ANKS1A: variants seen among roughly 807,000 people sequenced by gnomAD.
The protein encoded by ANKS1A is ankyrin repeat and sterile alpha motif domain containing 1A, also known as ankyrin repeat and SAM domain-containing protein 1A.
ANKS1A carries 55 observed loss-of-function variants against 120.3 expected under a neutral mutation model. That is an observed-to-expected ratio of 0.46 (90% CI 0.37 to 0.57). ANKS1A has a LOEUF of 0.57. Ranked by LOEUF, ANKS1A falls within the 20% of genes least tolerant of loss-of-function variation. The pLI, the probability that ANKS1A is intolerant of heterozygous loss-of-function variation, is 0.00. For missense variants in ANKS1A, 1,123 were observed against 1,480.3 expected (o/e 0.76, Z 3.96); for synonymous variants, 590 against 604.7 (o/e 0.98, Z 0.36).
chr6:35,097,631 C>T, the ANKS1A span, among the ~76,000 whole-genome samples: 9 of 89,822 alleles, frequency 1.0e-4, no homozygotes, highest in Non-Finnish European at 2.0e-4. Context: ...CCAGAAAAAG[C>T]CAAAAGAAAA....
chr6:35,087,366 G>A (rs1013713770), intron 23 of ANKS1A, among the ~76,000 whole-genome samples: 9 of 152,212 alleles, frequency 5.9e-5, no homozygotes, highest in African/African-American at 2.2e-4. Context: ...GCCTCCACGG[G>A]CAGGCACTGT....
At chr6:34,904,467 C>T (rs1386667469) in intron 1 of ANKS1A, among the ~76,000 whole-genome samples, 1 of 152,094 alleles carries the variant, frequency 6.6e-6, no homozygotes, top group Non-Finnish European at 1.5e-5. Context: ...GGCTCAGTGA[C>T]ACAAGCCCGT....
chr6:34,972,555 T>G, intron 3 of ANKS1A: 1 of 980,978 alleles, frequency 1.0e-6, no homozygotes, highest in Non-Finnish European at 1.2e-6. Flanking sequence ...TTGTCATCAC[T>G]TTTTCTTTTC....
intron 1 of ANKS1A, among the ~76,000 whole-genome samples, chr6:34,954,846 T>C (rs1207196524): frequency 1.3e-5 from 2 of 152,170 alleles, no homozygotes; most frequent in African/African-American, 4.8e-5. Flanking sequence ...TTCTGGTGTT[T>C]CCTCCATATT....
intron 10 of ANKS1A, among the ~76,000 whole-genome samples, chr6:35,016,463 A>G (rs1774009534): frequency 6.6e-6 from 1 of 152,186 alleles, no homozygotes; most frequent in Non-Finnish European, 1.5e-5. Flanking sequence ...AAAATCTTTA[A>G]TGGGGCTGAG....
rs550345195 is a variant in ANKS1A at position 35,058,045 on chromosome 6, C to G, written c.2078-2102C>G. Reference sequence around the variant, plus strand: ...TCGGCTATTGGGAAATCTGTCATTTCGCTCTGATGCTAGTGCTGCTGTCTC... The same window carrying G: ...TCGGCTATTGGGAAATCTGTCATTTGGCTCTGATGCTAGTGCTGCTGTCTC... On this transcript the variant is annotated intron_variant, in intron 12 of 23. Coordinates refer to ENST00000360359, the MANE Select transcript of ANKS1A (RefSeq NM_015245.3). The surrounding 1 kb of genome is among the most constrained non-coding windows in gnomAD (Gnocchi z 5.1). Among the ~76,000 whole-genome samples the G allele has an allele frequency of 6.6e-6, 1 of 152,216 alleles. No individual in the cohort carries two copies. The highest frequency in any genetic ancestry group is 1.5e-5 in the Non-Finnish European group (1 of 68,042).
intron 8 of ANKS1A, among the ~76,000 whole-genome samples, chr6:34,986,770 A>T (rs895834552): frequency 6.6e-6 from 1 of 152,240 alleles, no homozygotes; most frequent in Admixed American, 6.5e-5. Context: ...GACTGTGACA[A>T]AACTCCTTGT....
intron 13 of ANKS1A, among the ~76,000 whole-genome samples, chr6:35,066,871 G>C (rs757496333): frequency 6.6e-6 from 1 of 152,102 alleles, no homozygotes; most frequent in Non-Finnish European, 1.5e-5. Context: ...GGCTACTTTG[G>C]GAAATTCTGT....
At chr6:35,037,426 G>T (rs900951707) in intron 11 of ANKS1A, among the ~76,000 whole-genome samples, 1 of 152,176 alleles carries the variant, frequency 6.6e-6, no homozygotes, top group African/African-American at 2.4e-5. Context: ...GGATTTAAAT[G>T]CAAATAGCTT....
chr6:34,972,739 C>T, intron 3 of ANKS1A: 1 of 566,640 alleles, frequency 1.8e-6, no homozygotes, highest in African/African-American at 2.0e-5. Context: ...ACTCAGGGTC[C>T]TCCTCATCAT....
Position 35,086,876 on chromosome 6 carries a change from G to A in ANKS1A, c.3304-76G>A. 3 of 1,414,550 alleles carry A rather than the reference G, an allele frequency of 2.1e-6. 1 individual carries two copies. Among genetic ancestry groups the A allele is most frequent in the South Asian group, 2.3e-5 (2 of 87,078 alleles). 87.6% of individuals were successfully genotyped at this position (1,414,550 alleles called of 1,614,324 possible). A position where few individuals can be genotyped will look rare whatever the true frequency, so the allele number is the denominator to read the frequency against. On this transcript the variant is annotated intron_variant, in intron 22 of 23. Coordinates refer to ENST00000360359, the MANE Select transcript of ANKS1A (RefSeq NM_015245.3). The surrounding 1 kb of genome is among the most constrained non-coding windows in gnomAD (Gnocchi z 5.1). ...AGCACAGGGGCCACAGCCTGGCCTG[G>A]GGGTGGGAGGGGCCTGCTGCCTCCA...
the ANKS1A span, among the ~76,000 whole-genome samples, chr6:35,097,338 A>G: frequency 6.6e-6 from 1 of 152,030 alleles, no homozygotes; most frequent in Non-Finnish European, 1.5e-5. Context: ...GTGAAACCCT[A>G]TCTCTACTAA....
In ANKS1A at chr6:35,060,307, C is replaced by A. The variant is rs1776435382; in HGVS notation, c.2184+54C>A. ...AGGGTGCTGCTCAGTGGAAACAGGC[C>A]TCCCTGGCCTCCCCTCTGGCCCCAC... On this transcript the variant is annotated intron_variant, in intron 13 of 23. Transcript: ENST00000360359. This position sits in a 1 kb window ranked among gnomAD's most constrained non-coding sequence, Gnocchi z 4.5. The A allele has an allele frequency of 1.3e-5, 19 of 1,473,162 alleles. No individual in the cohort carries two copies. The South Asian group carries it at 2.2e-4, about 17-fold the overall frequency. 91.3% of individuals were successfully genotyped at this position (1,473,162 alleles called of 1,614,324 possible).
At chr6:34,933,589 C>G (rs898420816) in intron 1 of ANKS1A, among the ~76,000 whole-genome samples, 52 of 152,336 alleles carry the variant, frequency 3.4e-4, no homozygotes, top group Non-Finnish European at 6.9e-4. Context: ...AGGCTAGTTG[C>G]AAACTCCCGA....
intron 8 of ANKS1A, among the ~76,000 whole-genome samples, chr6:34,988,065 C>T (rs1447127712): frequency 6.6e-6 from 1 of 152,224 alleles, no homozygotes; most frequent in Non-Finnish European, 1.5e-5. Context: ...AAATTGTTTA[C>T]CCATGATCTA....
At chr6:35,081,234 C>G (rs1777656650) in intron 17 of ANKS1A, 76 bp downstream of exon 17, 1 of 1,469,878 alleles carries the variant, frequency 6.8e-7, no homozygotes, top group Non-Finnish European at 9.0e-7. Flanking sequence ...CCAGAACCAC[C>G]TGCTGCCCCA....
chr6:34,969,913 T>TA, intron 2 of ANKS1A, 97 bp from the exon 3 acceptor site: 2 of 1,412,902 alleles, frequency 1.4e-6, no homozygotes, highest in East Asian at 2.3e-5. Flanking sequence ...CCAAATGAGA[T>TA]ATCTGTGAAA....
chr6:34,919,525 C>G, intron 1 of ANKS1A, among the ~76,000 whole-genome samples: 1 of 152,226 alleles, frequency 6.6e-6, no homozygotes, highest in East Asian at 1.9e-4. Flanking sequence ...ACACATGCCT[C>G]TTTGCCTACA....
chr6:35,071,617 T>G (rs1777090432), intron 13 of ANKS1A, among the ~76,000 whole-genome samples: 1 of 152,058 alleles, frequency 6.6e-6, no homozygotes, highest in Non-Finnish European at 1.5e-5. Flanking sequence ...TTCAGTTTCC[T>G]GGGGGGCTGA....
Sources: gnomAD v4.1 joint callset for allele counts (sites outside exome capture counted in the v4.1 genomes callset) on GRCh38, gnomAD v4.1.1 for gene constraint, Gnocchi (gnomAD v3.1) non-coding constraint, MANE v1.5 for transcripts, NCBI Gene and HGNC (gene_info 2026-07-23, HGNC 2026-07-21) for gene names.